The following PASD1 variants were observed in gnomAD, a reference collection of about 807,000 sequenced individuals.
The protein encoded by PASD1 is circadian clock protein PASD1.
Under a neutral mutation model 58.8 loss-of-function variants are expected in PASD1, and 13 were observed. The ratio of observed to expected loss-of-function variants is 0.22; its 90% CI spans 0.14 to 0.35. The LOEUF (loss-of-function observed/expected upper bound fraction) is 0.35, where lower values mean the gene tolerates loss of function less well. Among genes scored for constraint, PASD1 ranks in the 10% least tolerant of loss-of-function variants. PASD1 has a pLI of 1.00. For missense variants in PASD1, 734 were observed against 568.3 expected (o/e 1.29, Z -2.96); for synonymous variants, 236 against 216.7 (o/e 1.09, Z -0.78).
At chrX:151,668,462 A>G (rs758370938) in intron 11 of PASD1, among the ~76,000 whole-genome samples, 2 of 111,056 alleles carry the variant, frequency 1.8e-5, no homozygotes, top group South Asian at 3.9e-4. Context: ...GACCGCTAGC[A>G]AGACTAATAA....
Position 151,672,182 on chromosome X carries a change from G to A in PASD1, c.1438-1G>A. On this transcript the variant is annotated splice_acceptor_variant, in intron 13 of 15. Coordinates refer to ENST00000370357, the MANE Select transcript of PASD1 (RefSeq NM_173493.3). LOFTEE classifies it high-confidence loss of function. ...CTTTTATCTGTTGCCTTTCGATGCA[G>A]CAGCAACTGGTGCAGCAAGAACAAC... 1 of 1,147,143 alleles carries A rather than the reference G, an allele frequency of 8.7e-7. No individual in the cohort carries two copies. Among genetic ancestry groups the A allele is most frequent in the Non-Finnish European group, 1.2e-6 (1 of 866,555 alleles). 94.5% of individuals were successfully genotyped at this position (1,147,143 alleles called of 1,213,427 possible).
At position 151,576,691 on chromosome X, in the gene PASD1, GCA is replaced by G. The variant is rs2013012232; in HGVS notation, c.-28+12856_-28+12857del. Among the ~76,000 whole-genome samples the G allele has an allele frequency of 4.5e-5, 5 of 111,967 alleles. No individual in the cohort carries two copies. In the South Asian group the frequency reaches 1.8e-3, roughly 41 times the overall value. On this transcript the variant is annotated intron_variant, in intron 1 of 15. Coordinates refer to ENST00000370357, the MANE Select transcript of PASD1 (RefSeq NM_173493.3). ...TGTGTGTGTGTATGTGTGTGTGTGT[GCA>G]CACGTGTGTATGTGTACTCAGTTGT...
intron 3 of PASD1, among the ~76,000 whole-genome samples, chrX:151,606,058 T>C (rs747180497): frequency 6.2e-5 from 7 of 112,677 alleles, no homozygotes; most frequent in Non-Finnish European, 9.4e-5. Flanking sequence ...AGAGGGATAA[T>C]TATGTTCACA....
intron 9 of PASD1, among the ~76,000 whole-genome samples, chrX:151,653,859 C>T (rs1484531486): frequency 3.5e-5 from 1 of 28,950 alleles, no homozygotes; most frequent in African/African-American, 9.6e-5. Context: ...TCCCTCCCTC[C>T]CTCCCTCCCT....
intron 6 of PASD1, among the ~76,000 whole-genome samples, chrX:151,621,995 C>T (rs757210106): frequency 3.7e-5 from 4 of 109,331 alleles, no homozygotes; most frequent in Non-Finnish European, 5.7e-5. Context: ...GCTCCATTGG[C>T]TGGGGTCGGG....
intron 1 of PASD1, among the ~76,000 whole-genome samples, chrX:151,584,035 G>A (rs2013132807): frequency 8.9e-6 from 1 of 111,734 alleles, no homozygotes; most frequent in African/African-American, 3.3e-5. Context: ...TTCCTAGTGA[G>A]CAGAAGGTCA....
At position 151,601,581 on chromosome X, in the gene PASD1, G is replaced by A. The variant is rs778564616; in HGVS notation, c.28G>A (p.Asp10Asn). 2.2e-5 allele frequency: 26 copies of A among 1,208,040 alleles called. 1 individual carries two copies. In the South Asian group the frequency reaches 4.4e-4, roughly 21 times the overall value. The change falls in exon 2 of 16, where the codon GAC becomes AAC. Residue 10 changes from aspartate to asparagine, a missense_variant and splice_region_variant. Asp to Asn is a conservative substitution (Grantham distance 23). Coordinates refer to ENST00000370357, the MANE Select transcript of PASD1 (RefSeq NM_173493.3). ...GAAGATGAGAGGGGAAAAGAGAAGA[G>A]GTATGCATTCATAACTGACTGACAT... Reference protein sequence around the residue: MKMRGEKRRDKVNPKSSQRK... With the variant: MKMRGEKRRNKVNPKSSQRK...
At chrX:151,599,203 G>A (rs1301104465) in intron 1 of PASD1, among the ~76,000 whole-genome samples, 2 of 112,359 alleles carry the variant, frequency 1.8e-5, no homozygotes, top group Non-Finnish European at 3.8e-5. Flanking sequence ...ACAAAATGGA[G>A]TCTCCTATGT....
intron 1 of PASD1, among the ~76,000 whole-genome samples, chrX:151,575,091 C>T (rs755913913): frequency 8.9e-6 from 1 of 111,817 alleles, no homozygotes; most frequent in Non-Finnish European, 1.9e-5. Context: ...GACAAAATAG[C>T]ATGAGAAAGC....
At chrX:151,619,875 G>A (rs762153203) in intron 4 of PASD1, among the ~76,000 whole-genome samples, 22 of 111,024 alleles carry the variant, frequency 2.0e-4, no homozygotes, top group South Asian at 1.9e-3. Flanking sequence ...GAAGTGAGAG[G>A]CGGTAATGTA....
At chrX:151,595,733 C>CAACAAAA (rs1275341393) in intron 1 of PASD1, among the ~76,000 whole-genome samples, 13 of 108,838 alleles carry the variant, frequency 1.2e-4, no homozygotes, top group African/African-American at 4.4e-4. Flanking sequence ...TCAAAAAACA[C>CAACAAAA]AACAAAAAAC....
chrX:151,565,760 AT>A (rs1305757987), intron 1 of PASD1, among the ~76,000 whole-genome samples: 3 of 110,136 alleles, frequency 2.7e-5, no homozygotes, highest in Non-Finnish European at 5.7e-5. Flanking sequence ...GGGTTTCACC[AT>A]GTTAGCCAGG....
intron 3 of PASD1, among the ~76,000 whole-genome samples, chrX:151,605,863 T>G (rs12852912): frequency 0.39 from 42,835 of 110,902 alleles, 6,203 homozygotes; most frequent in African/African-American, 0.45. Flanking sequence ...TGGGATTACA[T>G]GCGTGAGCCA....
At chrX:151,623,482 T>C (rs1445198416) in intron 7 of PASD1, among the ~76,000 whole-genome samples, 1 of 111,750 alleles carries the variant, frequency 8.9e-6, no homozygotes, top group Non-Finnish European at 1.9e-5. Context: ...TGTTCTCTAA[T>C]ATAGCATTCA....
At chrX:151,670,002 T>C (rs964946318) in intron 11 of PASD1, among the ~76,000 whole-genome samples, 17 of 112,345 alleles carry the variant, frequency 1.5e-4, no homozygotes, top group African/African-American at 5.5e-4. Flanking sequence ...CTAATTTACA[T>C]TCTTACCAAC....
intron 11 of PASD1, 93 bp downstream of exon 11, chrX:151,664,441 T>A (rs1281405273): frequency 2.2e-5 from 25 of 1,128,256 alleles, no homozygotes; most frequent in Non-Finnish European, 2.9e-5. Context: ...CAGTTTCACT[T>A]CACAGAAAGT....
At chrX:151,592,891 A>G (rs1425460320) in intron 1 of PASD1, among the ~76,000 whole-genome samples, 2 of 111,848 alleles carry the variant, frequency 1.8e-5, no homozygotes, top group Non-Finnish European at 3.8e-5. Flanking sequence ...TAAGTCTTCG[A>G]TATCCTTACT....
At chrX:151,653,470 G>A (rs1286771606) in intron 9 of PASD1, among the ~76,000 whole-genome samples, 2 of 110,787 alleles carry the variant, frequency 1.8e-5, no homozygotes, top group South Asian at 3.9e-4. Context: ...GGGATTACAG[G>A]TGTGAGCCAC....
At chrX:151,622,047 G>A (rs1398340420) in intron 6 of PASD1, among the ~76,000 whole-genome samples, 1 of 109,848 alleles carries the variant, frequency 9.1e-6, no homozygotes, top group East Asian at 2.9e-4. Flanking sequence ...AAAACCTAGA[G>A]ATCAATGAAG....
Sources: gnomAD v4.1 joint callset for allele counts (sites outside exome capture counted in the v4.1 genomes callset) on GRCh38, gnomAD v4.1.1 for gene constraint, MANE v1.5 for transcripts, NCBI Gene and HGNC (gene_info 2026-07-23, HGNC 2026-07-21) for gene names.